The following DDX60L variants were observed in gnomAD, a reference collection of about 807,000 sequenced individuals.
DDX60L encodes the protein DExD/H-box 60 like.
A neutral mutation model predicts 211.6 loss-of-function variants in DDX60L; 191 were observed. The observed-to-expected ratio is 0.90, with a 90% confidence interval of 0.80 to 1.02. The LOEUF (loss-of-function observed/expected upper bound fraction) is 1.02, where lower values mean the gene tolerates loss of function less well. Among genes scored for constraint, DDX60L ranks in the 50% least tolerant of loss-of-function variants. The pLI, the probability that DDX60L is intolerant of heterozygous loss-of-function variation, is 0.00. For synonymous variants in DDX60L, 706 were observed against 694.1 expected, an observed-to-expected ratio of 1.02 and a Z score of -0.27; for missense variants, 2,007 against 1,984.1, an observed-to-expected ratio of 1.01 and a Z score of -0.22.
chr4:168,442,377 C>G (rs886626842), intron 9 of DDX60L, among the ~76,000 whole-genome samples: 1 of 152,154 alleles, frequency 6.6e-6, no homozygotes, highest in Admixed American at 6.5e-5. Flanking sequence ...TCGCTGATTG[C>G]TAGCACAGCA....
intron 10 of DDX60L, among the ~76,000 whole-genome samples, chr4:168,435,391 C>T (rs1246264075): frequency 6.6e-6 from 1 of 152,158 alleles, no homozygotes; most frequent in African/African-American, 2.4e-5. Flanking sequence ...CTATTAAGGA[C>T]TTGAAAAATA....
intron 37 of DDX60L, 113 bp downstream of exon 37, chr4:168,361,036 G>A (rs3749494): frequency 0.082 from 63,775 of 779,504 alleles, 3,368 homozygotes; most frequent in Admixed American, 0.15. Flanking sequence ...AGGCTCAATA[G>A]TATCTTCAGA....
chr4:168,432,436 T>A lies in DDX60L; in HGVS notation c.1516+19A>T. 7.1e-7 allele frequency: 1 copy of A among 1,412,642 alleles called. No homozygotes were observed. The allele number at this position is 1,412,642 out of a possible 1,614,324, so 87.5% of individuals were successfully genotyped here. On this transcript the variant is annotated intron_variant, in intron 12 of 37. Transcript: ENST00000682922. ...GGCAATTCATATAAGCTCTATTTTA[T>A]CGTGGTTACAGAGCTCACCATCAAC...
intron 25 of DDX60L, among the ~76,000 whole-genome samples, chr4:168,403,348 A>G (rs1379859782): frequency 2.0e-5 from 3 of 152,242 alleles, no homozygotes; most frequent in Admixed American, 6.5e-5. Context: ...TCACATTACC[A>G]TTGGATCAAG....
rs200957955 is a variant in DDX60L at position 168,422,532 on chromosome 4, C to A, written c.2236G>T (p.Ala746Ser). 4.9e-5 allele frequency: 79 copies of A among 1,608,660 alleles called. No individual in the cohort carries two copies. The highest frequency in any genetic ancestry group is 6.7e-5 in the Non-Finnish European group (79 of 1,178,422). ...ATGTTTGTTGTCATTACCTGCCATGCGTTGGGAATAAAATCCTGGACCCTG... is the reference window on the plus strand; with the variant it reads ...ATGTTTGTTGTCATTACCTGCCATGAGTTGGGAATAAAATCCTGGACCCTG... ...DPRVQDFIPN[A>S]WQQELLDVVD... The change falls in exon 16 of 38, where the codon GCA becomes TCA. Residue 746 changes from alanine (A) to serine (S), a missense_variant. Transcript: ENST00000682922.
intron 33 of DDX60L, 75 bp from the exon 34 acceptor site, chr4:168,375,599 C>A (rs1394264764): frequency 2.2e-6 from 3 of 1,343,820 alleles, no homozygotes; most frequent in Non-Finnish European, 3.0e-6. Context: ...GATAAGATTG[C>A]AGCATAGTTC....
intron 4 of DDX60L, 129 bp downstream of exon 4, chr4:168,471,618 C>A (rs761040058): frequency 1.2e-5 from 8 of 684,124 alleles, no homozygotes; most frequent in Non-Finnish European, 1.8e-5. Flanking sequence ...GTAATTTTTT[C>A]TTTTGTTAAC....
intron 1 of DDX60L, among the ~76,000 whole-genome samples, chr4:168,479,698 G>T (rs561867936): frequency 6.6e-6 from 1 of 152,116 alleles, no homozygotes; most frequent in South Asian, 2.1e-4. Context: ...GCCGGGCGCG[G>T]TGGCTCACGC....
intron 7 of DDX60L, among the ~76,000 whole-genome samples, chr4:168,455,321 C>T (rs567333750): frequency 1.6e-5 from 2 of 126,074 alleles, no homozygotes; most frequent in African/African-American, 6.9e-5. Context: ...AGCAGGGATG[C>T]ATATAGTAGA....
chr4:168,457,420 C>T (rs939280059), intron 6 of DDX60L, among the ~76,000 whole-genome samples: 4 of 148,436 alleles, frequency 2.7e-5, no homozygotes, highest in Admixed American at 6.7e-5. Context: ...TCTTATGCAA[C>T]CACCTTTTAC....
At position 168,464,952 on chromosome 4, in the gene DDX60L, T is replaced by C. The variant is rs1757789090; in HGVS notation, c.265-2912A>G. On this transcript the variant is annotated intron_variant, in intron 4 of 37. Transcript: ENST00000682922. ...GTTGGCTATGTAAATAGTGTTTCAA[T>C]AAACACAGGACAGCAGATATCTCTT... Among the ~76,000 whole-genome samples, 4 of 152,266 alleles carry C rather than the reference T, an allele frequency of 2.6e-5. No individual in the cohort carries two copies. In the South Asian group the frequency reaches 8.3e-4, roughly 32 times the overall value.
rs201507485 is a variant in DDX60L at position 168,421,832 on chromosome 4, A to T, written c.2322T>A (p.Ala774=). ...VAPTSSGKTY[A]SYYCMEKVLR... Reference sequence around the variant, plus strand: ...GCACTTTCTCCATGCAGTAGTAGGAAGCATAGGTTTTGCCTGAGGACGTTG... The same window carrying T: ...GCACTTTCTCCATGCAGTAGTAGGATGCATAGGTTTTGCCTGAGGACGTTG... The change falls in exon 17 of 38, where the codon GCT becomes GCA. Residue 774 remains alanine, a synonymous_variant. Transcript: ENST00000682922. 1 of 1,614,096 alleles carries T rather than the reference A, an allele frequency of 6.2e-7. No individual in the cohort carries two copies. Among genetic ancestry groups the T allele is most frequent in the Non-Finnish European group, 8.5e-7 (1 of 1,180,046 alleles).
intron 4 of DDX60L, among the ~76,000 whole-genome samples, chr4:168,464,706 G>A (rs1757751985): frequency 6.6e-6 from 1 of 151,780 alleles, no homozygotes; most frequent in Non-Finnish European, 1.5e-5. Context: ...TGCGTGTGTT[G>A]GAAACATGCC....
At chr4:168,390,553 G>A in intron 29 of DDX60L, 1 of 1,267,040 alleles carries the variant, frequency 7.9e-7, no homozygotes, top group Non-Finnish European at 1.0e-6. Flanking sequence ...AAGAAAAGAG[G>A]AAAATTTCAA....
At chr4:168,364,722 C>T (rs1292823486) in intron 36 of DDX60L, among the ~76,000 whole-genome samples, 1 of 152,164 alleles carries the variant, frequency 6.6e-6, no homozygotes, top group Non-Finnish European at 1.5e-5. Flanking sequence ...CTTCAGAATG[C>T]ACATTTTTCT....
At position 168,439,843 on chromosome 4, in the gene DDX60L, G is replaced by T. The variant is rs544098580; in HGVS notation, c.1294+1494C>A. Reference sequence around the variant, plus strand: ...ATAAACTTATGAAAGAGAACAGAGGGTGAAGAAATAACCCCTCTCTCACAC... The same window carrying T: ...ATAAACTTATGAAAGAGAACAGAGGTTGAAGAAATAACCCCTCTCTCACAC... On this transcript the variant is annotated intron_variant, in intron 10 of 37. Coordinates refer to ENST00000682922, the MANE Select transcript of DDX60L (RefSeq NM_001012967.3). Among the ~76,000 whole-genome samples, 10 of 152,214 alleles carry T rather than the reference G, an allele frequency of 6.6e-5. 1 individual carries two copies. The South Asian group carries it at 2.1e-3, about 32-fold the overall frequency.
intron 37 of DDX60L, 48 bp from the exon 38 acceptor site, chr4:168,358,324 A>C: frequency 7.7e-7 from 1 of 1,303,482 alleles, no homozygotes; most frequent in Non-Finnish European, 1.0e-6. Context: ...CCACATTTTT[A>C]TAACAATCAA....
chr4:168,392,104 GAAC>G (rs1217198611), intron 28 of DDX60L, among the ~76,000 whole-genome samples: 5 of 152,176 alleles, frequency 3.3e-5, no homozygotes, highest in African/African-American at 4.8e-5. Flanking sequence ...ATGAATGAAT[GAAC>G]AACAAGCATA....
chr4:168,421,690 G>C, intron 17 of DDX60L, 70 bp downstream of exon 17: 1 of 1,562,312 alleles, frequency 6.4e-7, no homozygotes, highest in South Asian at 1.2e-5. Flanking sequence ...TCTAGCATGT[G>C]ACCGTGTGCA....
Sources: allele counts gnomAD v4.1 joint callset (sites outside exome capture counted in the v4.1 genomes callset), GRCh38; gene constraint gnomAD v4.1.1; transcripts MANE v1.5; gene names NCBI Gene and HGNC (gene_info 2026-07-23, HGNC 2026-07-21).